The following PHTF1 variants were observed in gnomAD, a reference collection of about 807,000 sequenced individuals.
The protein encoded by PHTF1 is protein PHTF1.
Under a neutral mutation model 102.4 loss-of-function variants are expected in PHTF1, and 88 were observed. That is an observed-to-expected ratio of 0.86 (90% CI 0.72 to 1.03). PHTF1 has a LOEUF of 1.03. Among genes scored for constraint, PHTF1 ranks in the 50% least tolerant of loss-of-function variants. PHTF1 has a pLI of 0.00. For synonymous variants in PHTF1, 289 were observed against 305.2 expected (o/e 0.95, Z 0.55); for missense variants, 814 against 909.5 (o/e 0.89, Z 1.35).
At chr1:113,738,025 A>C (rs1655780895) in intron 5 of PHTF1, 85 bp downstream of exon 5, 1 of 917,448 alleles carries the variant, frequency 1.1e-6, no homozygotes, top group Non-Finnish European at 1.7e-6. Flanking sequence ...TGAAAGGGTA[A>C]ATGTAAAATC....
chr1:113,726,845 A>G (rs116248102), intron 5 of PHTF1, among the ~76,000 whole-genome samples: 176 of 152,300 alleles, frequency 1.2e-3, no homozygotes, highest in African/African-American at 4.0e-3. Context: ...CCACAAAAAC[A>G]ACTAGATGCT....
intron 5 of PHTF1, among the ~76,000 whole-genome samples, chr1:113,732,505 A>G (rs1654816646): frequency 6.6e-6 from 1 of 152,182 alleles, no homozygotes; most frequent in African/African-American, 2.4e-5. Context: ...CAAAAGAAAA[A>G]AAACAATTTT....
chr1:113,748,682 C>T (rs1196243372), intron 3 of PHTF1, among the ~76,000 whole-genome samples: 1 of 152,064 alleles, frequency 6.6e-6, no homozygotes, highest in Non-Finnish European at 1.5e-5. Context: ...TACAGGCATG[C>T]AACGCCAAGC....
chr1:113,701,146 C>T (rs571365912), intron 15 of PHTF1, among the ~76,000 whole-genome samples, 197 bp from the exon 16 acceptor site: 6 of 152,222 alleles, frequency 3.9e-5, no homozygotes, highest in Non-Finnish European at 8.8e-5. Flanking sequence ...AGATTTTCTC[C>T]TTTAGCAAGG....
chr1:113,727,392 A>T (rs959335968), intron 5 of PHTF1, among the ~76,000 whole-genome samples: 1 of 152,216 alleles, frequency 6.6e-6, no homozygotes, highest in Non-Finnish European at 1.5e-5. Context: ...ATCTAAAACT[A>T]GTACCTGGAG....
At chr1:113,732,216 G>A (rs1571192566) in intron 5 of PHTF1, among the ~76,000 whole-genome samples, 1 of 152,128 alleles carries the variant, frequency 6.6e-6, no homozygotes, top group South Asian at 2.1e-4. Context: ...AGAAATACTT[G>A]GCCAGGCGCG....
intron 3 of PHTF1, among the ~76,000 whole-genome samples, chr1:113,747,524 T>C (rs1657427677): frequency 6.6e-6 from 1 of 152,216 alleles, no homozygotes; most frequent in Admixed American, 6.5e-5. Flanking sequence ...GCAATTATCC[T>C]GGAATTCCTT....
intron 5 of PHTF1, among the ~76,000 whole-genome samples, chr1:113,733,549 G>C (rs757334266): frequency 1.3e-5 from 2 of 151,990 alleles, no homozygotes; most frequent in Non-Finnish European, 2.9e-5. Context: ...GGGGCCTTTG[G>C]TAGCTGATTA....
intron 5 of PHTF1, among the ~76,000 whole-genome samples, chr1:113,737,364 T>C (rs900688559): frequency 6.6e-6 from 1 of 152,206 alleles, no homozygotes; most frequent in Non-Finnish European, 1.5e-5. Flanking sequence ...AATCTCCATA[T>C]GGAAATGTCA....
chr1:113,710,704 C>T (rs1192702787), intron 10 of PHTF1, among the ~76,000 whole-genome samples: 1 of 151,178 alleles, frequency 6.6e-6, no homozygotes, highest in African/African-American at 2.4e-5. Context: ...GATCATAGCC[C>T]ACTGCAACCT....
intron 11 of PHTF1, 53 bp downstream of exon 11, chr1:113,710,199 GAC>G: frequency 7.9e-7 from 1 of 1,271,994 alleles, no homozygotes; most frequent in Non-Finnish European, 1.1e-6. Context: ...CAGAGTGCCT[GAC>G]ACACAGTAAG....
At chr1:113,702,706 G>A (rs1457994154) in intron 15 of PHTF1, among the ~76,000 whole-genome samples, 1 of 152,156 alleles carries the variant, frequency 6.6e-6, no homozygotes, top group Non-Finnish European at 1.5e-5. Context: ...AGGAAATGCT[G>A]ATTATGAGAG....
At chr1:113,701,223 A>T (rs561223141) in intron 15 of PHTF1, among the ~76,000 whole-genome samples, 79 of 152,222 alleles carry the variant, frequency 5.2e-4, no homozygotes, top group Non-Finnish European at 9.6e-4. Context: ...CAGCTACTTT[A>T]ACTATCAGTG....
chr1:113,753,425 TC>T (rs1368963548), intron 3 of PHTF1, among the ~76,000 whole-genome samples: 9 of 66,672 alleles, frequency 1.3e-4, no homozygotes, highest in Non-Finnish European at 2.3e-4. Flanking sequence ...ATTAGGTTCT[TC>T]TTTTTTTTTT....
In PHTF1 at chr1:113,726,322, C is replaced by A. The variant is rs984287535; in HGVS notation, c.488+96G>T. Reference sequence around the variant, plus strand: ...CTAAGCCAAAAAATAATGAAAAACACAAAAGAGGGAGATTTTAAATTAATC... The same window carrying A: ...CTAAGCCAAAAAATAATGAAAAACAAAAAAGAGGGAGATTTTAAATTAATC... On this transcript the variant is annotated intron_variant, in intron 6 of 18. Transcript: ENST00000369604. 1.6e-5 allele frequency: 15 copies of A among 966,770 alleles called. No individual in the cohort carries two copies. The South Asian group carries it at 1.9e-4, about 12-fold the overall frequency. 59.9% of individuals were successfully genotyped at this position (966,770 alleles called of 1,614,324 possible).
At chr1:113,706,844 TTTC>T in intron 11 of PHTF1, 122 bp from the exon 12 acceptor site, 1 of 545,978 alleles carries the variant, frequency 1.8e-6, no homozygotes, top group Non-Finnish European at 3.1e-6. Context: ...TGGTCCTTTC[TTTC>T]TTTCTTTTTT....
At chr1:113,727,021 G>A (rs954449953) in intron 5 of PHTF1, among the ~76,000 whole-genome samples, 3 of 150,456 alleles carry the variant, frequency 2.0e-5, no homozygotes, top group Non-Finnish European at 4.4e-5. Context: ...CATATATAAT[G>A]AAGAAGAAAT....
chr1:113,749,447 GAT>G (rs1657695818), intron 3 of PHTF1: 1 of 152,188 alleles, frequency 6.6e-6, no homozygotes, highest in African/African-American at 2.4e-5. Flanking sequence ...TCTGTTTGCA[GAT>G]TATAAATCTG....
At chr1:113,758,214 A>G (rs1182385565) in intron 2 of PHTF1, among the ~76,000 whole-genome samples, 1 of 136,354 alleles carries the variant, frequency 7.3e-6, no homozygotes, top group Non-Finnish European at 1.5e-5. Context: ...CTGGGCAACA[A>G]GAGCGAAACT....
Sources: allele counts gnomAD v4.1 joint callset (sites outside exome capture counted in the v4.1 genomes callset), GRCh38; gene constraint gnomAD v4.1.1; transcripts MANE v1.5; gene names NCBI Gene and HGNC (gene_info 2026-07-23, HGNC 2026-07-21).